ADGB: variants seen among roughly 807,000 people sequenced by gnomAD.
The protein encoded by ADGB is androglobin, also known as calpain-7-like protein.
ADGB carries 172 observed loss-of-function variants against 210.5 expected under a neutral mutation model. That is an observed-to-expected ratio of 0.82 (90% confidence interval 0.72 to 0.93). The LOEUF (loss-of-function observed/expected upper bound fraction) is 0.93. ADGB is among the 40% of genes least tolerant of loss of function. The probability of loss-of-function intolerance (pLI) is 0.00; values close to 1 mark genes in which losing one functional copy is unlikely to be tolerated. For synonymous variants in ADGB, 658 were observed against 662.7 expected (o/e 0.99, Z 0.11); for missense variants, 2,025 against 1,964.8 (o/e 1.03, Z -0.58).
chr6:146,724,523 T>G, intron 18 of ADGB, 196 bp downstream of exon 18: 1 of 414,772 alleles, frequency 2.4e-6, no homozygotes, highest in Non-Finnish European at 4.1e-6. Context: ...ACAATGAATA[T>G]CCCTTTGGGA....
intron 26 of ADGB, among the ~76,000 whole-genome samples, chr6:146,749,074 G>A (rs1043611907): frequency 3.3e-5 from 5 of 152,168 alleles, no homozygotes; most frequent in African/African-American, 1.2e-4. Context: ...GGCAGTGACA[G>A]TGAATCTGGA....
chr6:146,733,891 A>G lies in ADGB; in HGVS notation c.2657-2A>G. The G allele has an allele frequency of 6.4e-7, 1 of 1,551,452 alleles. No individual in the cohort carries two copies. The highest frequency in any genetic ancestry group is 1.2e-5 in the South Asian group (1 of 83,994). On this transcript the variant is annotated splice_acceptor_variant, in intron 21 of 35. Transcript: ENST00000397944. LOFTEE classifies it high-confidence loss of function. Reference sequence around the variant, plus strand: ...GTCCAAAGTTTGTTTTTCCCTTTCCAGTGGAATGGCTGGACGTTAAATATT... The same window carrying G: ...GTCCAAAGTTTGTTTTTCCCTTTCCGGTGGAATGGCTGGACGTTAAATATT...
chr6:146,755,394 C>T (rs1406840831), intron 27 of ADGB, among the ~76,000 whole-genome samples: 2 of 152,016 alleles, frequency 1.3e-5, no homozygotes, highest in Admixed American at 1.3e-4. Flanking sequence ...GGTGATTAGA[C>T]CATGGGATGC....
intron 25 of ADGB, among the ~76,000 whole-genome samples, chr6:146,744,066 T>G (rs1168146083): frequency 6.6e-6 from 1 of 152,210 alleles, no homozygotes; most frequent in South Asian, 2.1e-4. Flanking sequence ...CCTTTGTCCC[T>G]GCTAAAATGT....
At chr6:146,762,188 C>T (rs941243995) in intron 27 of ADGB, among the ~76,000 whole-genome samples, 2 of 151,984 alleles carry the variant, frequency 1.3e-5, no homozygotes, top group Admixed American at 6.6e-5. Context: ...CCCACAATAT[C>T]GTACCATGAA....
At chr6:146,696,770 G>A (rs936601605) in intron 12 of ADGB, among the ~76,000 whole-genome samples, 5 of 152,140 alleles carry the variant, frequency 3.3e-5, no homozygotes, top group African/African-American at 1.2e-4. Context: ...GATTAAAGGT[G>A]GTGATAAGAA....
intron 27 of ADGB, among the ~76,000 whole-genome samples, chr6:146,756,452 A>T (rs1177183802): frequency 6.6e-6 from 1 of 151,280 alleles, no homozygotes; most frequent in East Asian, 1.9e-4. Context: ...AGATTTTAAC[A>T]CTGCTTATTT....
chr6:146,630,374 T>C (rs959163507), intron 1 of ADGB, among the ~76,000 whole-genome samples: 2 of 151,518 alleles, frequency 1.3e-5, no homozygotes, highest in South Asian at 2.1e-4. Context: ...CCTGACAAAA[T>C]AGTAAGGCCA....
intron 5 of ADGB, among the ~76,000 whole-genome samples, chr6:146,661,609 T>G (rs1362050029): frequency 6.6e-6 from 1 of 152,166 alleles, no homozygotes; most frequent in Non-Finnish European, 1.5e-5. Flanking sequence ...ATAAAAAATT[T>G]GAAGACAAGA....
chr6:146,721,676 A>G (rs1776816956), intron 17 of ADGB, among the ~76,000 whole-genome samples, 171 bp downstream of exon 17: 2 of 143,424 alleles, frequency 1.4e-5, no homozygotes, highest in South Asian at 4.5e-4. Context: ...TGTCTCTACT[A>G]AAAATACCAA....
At chr6:146,803,731 T>G in intron 35 of ADGB, 10 of 881,038 alleles carry the variant, frequency 1.1e-5, no homozygotes, top group Non-Finnish European at 1.8e-5. Context: ...TACCGGCGCC[T>G]CATGGTACCG....
At chr6:146,615,898 T>TACTG (rs1780792301) in intron 1 of ADGB, among the ~76,000 whole-genome samples, 1 of 152,220 alleles carries the variant, frequency 6.6e-6, no homozygotes, top group African/African-American at 2.4e-5. Flanking sequence ...CTTTTTGATA[T>TACTG]ACTGACTTCA....
intron 35 of ADGB, chr6:146,807,743 G>A: frequency 1.6e-6 from 1 of 630,042 alleles, no homozygotes; most frequent in Non-Finnish European, 2.5e-6. Flanking sequence ...TCCTCAGAAA[G>A]CTAGTATTTG....
Position 146,644,497 on chromosome 6 carries a change from T to A in ADGB, c.238-276T>A, listed in dbSNP as rs557814428. 4.6e-5 allele frequency among the ~76,000 whole-genome samples: 7 copies of A among 152,040 alleles called. No individual in the cohort carries two copies. The South Asian group carries it at 1.4e-3, about 31-fold the overall frequency. On this transcript the variant is annotated intron_variant, in intron 2 of 35. Coordinates refer to ENST00000397944, the MANE Select transcript of ADGB (RefSeq NM_024694.4). ...CTAATATAGTTTCCACAGCATCTCA[T>A]GCTTGTTTAGGCTACCTCCTATACA...
At chr6:146,741,084 C>T (rs1327666) in intron 24 of ADGB, 34 bp from the exon 25 acceptor site, 659,396 of 1,444,868 alleles carry the variant, frequency 0.46, 154,236 homozygotes, top group African/African-American at 0.67. Context: ...TAAGAATTCA[C>T]ATCAAGGGAA....
chr6:146,676,910 A>G (rs1776093068), intron 9 of ADGB, among the ~76,000 whole-genome samples: 1 of 152,154 alleles, frequency 6.6e-6, no homozygotes, highest in Non-Finnish European at 1.5e-5. Flanking sequence ...TTTATATCAC[A>G]ATACTGACAA....
At chr6:146,704,121 T>A (rs1776533819) in intron 13 of ADGB, among the ~76,000 whole-genome samples, 1 of 152,024 alleles carries the variant, frequency 6.6e-6, no homozygotes, top group South Asian at 2.1e-4. Flanking sequence ...TCCTGAGAAA[T>A]GCCTATTCAG....
chr6:146,685,496 G>A (rs1322227703), intron 9 of ADGB, among the ~76,000 whole-genome samples: 1 of 151,968 alleles, frequency 6.6e-6, no homozygotes, highest in Admixed American at 6.6e-5. Flanking sequence ...TGTTCATGAG[G>A]TATAATAAGG....
chr6:146,815,036 C>G lies in ADGB; in HGVS notation c.4823C>G (p.Ser1608Cys). 1 of 1,542,642 alleles carries G rather than the reference C, an allele frequency of 6.5e-7. No individual in the cohort carries two copies. Among genetic ancestry groups the G allele is most frequent in the Middle Eastern group, 1.7e-4 (1 of 5,964 alleles). ...VLDMYKEMQD[S>C]LDEARQKIFD... is the part of the protein sequence containing the mutation. The stretch of plus-strand genomic sequence containing the variant: ...TGGGGTTTTGCTTTGGAACAGGACT[C>G]CTTAGATGAAGCCCGACAGAAAATT... The change falls in exon 36 of 36, where the codon TCC becomes TGC. Residue 1608 changes from serine (S) to cysteine (C), a missense_variant. Physicochemically the swap from Ser to Cys is moderately radical, Grantham distance 112 (BLOSUM62 -1). Transcript: ENST00000397944.
Sources: allele counts gnomAD v4.1 joint callset (sites outside exome capture counted in the v4.1 genomes callset), GRCh38; gene constraint gnomAD v4.1.1; transcripts MANE v1.5; gene names NCBI Gene and HGNC (gene_info 2026-07-23, HGNC 2026-07-21).